The following DDC variants were observed in gnomAD, a reference collection of about 807,000 sequenced individuals.
DDC encodes aromatic-L-amino-acid decarboxylase.
A neutral mutation model predicts 60.0 loss-of-function variants in DDC; 43 were observed. That is an observed-to-expected ratio of 0.72 (90% CI 0.56 to 0.92). The LOEUF (loss-of-function observed/expected upper bound fraction) is 0.92, where lower values mean the gene tolerates loss of function less well. Ranked by LOEUF, DDC falls within the 40% of genes least tolerant of loss-of-function variation. The pLI is 0.00. For synonymous variants in DDC, 232 were observed against 234.6 expected (o/e 0.99, Z 0.10); for missense variants, 573 against 620.2 (o/e 0.92, Z 0.81).
Position 50,544,187 on chromosome 7 carries a change from G to A in DDC, c.-28-74C>T, listed in dbSNP as rs566769442. The A allele has an allele frequency of 2.3e-4, 264 of 1,157,648 alleles. 2 individuals carry two copies. Among genetic ancestry groups the A allele is most frequent in the South Asian group, 3.3e-4 (27 of 80,752 alleles). 71.7% of individuals were successfully genotyped at this position (1,157,648 alleles called of 1,614,324 possible). On this transcript the variant is annotated intron_variant, in intron 1 of 14. Transcript: ENST00000444124. The stretch of plus-strand genomic sequence containing the variant: ...GGAAGGCGGGGATACCAAGCAAGCC[G>A]TGGGTAGGGACACCTGGGCAGTGAC...
chr7:50,502,273 A>G (rs2043277753), intron 7 of DDC, among the ~76,000 whole-genome samples: 1 of 152,176 alleles, frequency 6.6e-6, no homozygotes, highest in African/African-American at 2.4e-5. Context: ...CCCAGATAGC[A>G]GGAAGGCCTG....
At chr7:50,459,560 C>T (rs1405293836) in intron 14 of DDC, 2 of 177,828 alleles carry the variant, frequency 1.1e-5, no homozygotes, top group Non-Finnish European at 2.4e-5. Context: ...AGGAGCGTCT[C>T]TGCCCGGCCG....
At chr7:50,555,880 T>A (rs1295175549) in intron 1 of DDC, among the ~76,000 whole-genome samples, 1 of 152,194 alleles carries the variant, frequency 6.6e-6, no homozygotes, top group Non-Finnish European at 1.5e-5. Context: ...CCTGAGAGAA[T>A]GTCCTGGACT....
chr7:50,547,426 A>T (rs905283314), intron 1 of DDC, among the ~76,000 whole-genome samples: 2 of 152,112 alleles, frequency 1.3e-5, no homozygotes, highest in African/African-American at 4.8e-5. Flanking sequence ...CATGTTGGTC[A>T]GGCTGGTCTT....
chr7:50,520,089 T>C (rs1157888840), intron 6 of DDC, among the ~76,000 whole-genome samples: 1 of 152,222 alleles, frequency 6.6e-6, no homozygotes, highest in Admixed American at 6.5e-5. Context: ...GGAGACTTTG[T>C]CACCCCTTTG....
intron 1 of DDC, among the ~76,000 whole-genome samples, chr7:50,556,921 G>A (rs77557179): frequency 0.023 from 3,533 of 152,238 alleles, 156 homozygotes; most frequent in African/African-American, 0.08. Context: ...ATAGCTCTGC[G>A]GCAAGAGGCA....
At position 50,479,883 on chromosome 7, in the gene DDC, G is replaced by C. The variant is rs538476047; in HGVS notation, c.945-20C>G. On this transcript the variant is annotated intron_variant, in intron 9 of 14. Transcript: ENST00000444124. ...TTCACCCTGGTTTTAGAGAACAAATGAAAGGGCTGATAACCAAGTACCCTA... is the reference window on the plus strand; with the variant it reads ...TTCACCCTGGTTTTAGAGAACAAATCAAAGGGCTGATAACCAAGTACCCTA... The C allele has an allele frequency of 3.1e-6, 5 of 1,606,780 alleles. No individual in the cohort carries two copies. In the African/African-American group the frequency reaches 5.3e-5, roughly 17 times the overall value.
chr7:50,562,929 G>A (rs1024259886), intron 1 of DDC, among the ~76,000 whole-genome samples: 12 of 152,178 alleles, frequency 7.9e-5, no homozygotes, highest in Non-Finnish European at 1.3e-4. Flanking sequence ...GCCTTTGGGA[G>A]GCCAAGGTGG....
chr7:50,480,596 C>T (rs1008673065), intron 9 of DDC, among the ~76,000 whole-genome samples: 1 of 152,068 alleles, frequency 6.6e-6, no homozygotes, highest in African/African-American at 2.4e-5. Flanking sequence ...AGCCCTTAAC[C>T]CTGTGGAGTC....
chr7:50,539,418 G>A (rs1247913582), intron 3 of DDC, among the ~76,000 whole-genome samples: 1 of 152,150 alleles, frequency 6.6e-6, no homozygotes, highest in Non-Finnish European at 1.5e-5. Context: ...TGGGACTGGT[G>A]GTTTGCAGGC....
intron 6 of DDC, among the ~76,000 whole-genome samples, chr7:50,524,392 G>T (rs2043982838): frequency 6.6e-6 from 1 of 152,128 alleles, no homozygotes; most frequent in South Asian, 2.1e-4. Context: ...AATGAAGGTT[G>T]GGATATAAGA....
intron 1 of DDC, among the ~76,000 whole-genome samples, chr7:50,563,099 G>A (rs2045375516): frequency 6.6e-6 from 1 of 151,126 alleles, no homozygotes; most frequent in South Asian, 2.1e-4. Context: ...CTTGAGAGGT[G>A]GAAGTTGCAG....
chr7:50,502,261 G>A (rs1185197896), intron 7 of DDC, among the ~76,000 whole-genome samples: 1 of 152,116 alleles, frequency 6.6e-6, no homozygotes, highest in Non-Finnish European at 1.5e-5. Flanking sequence ...AGAAGAGGGG[G>A]CCCCAGATAG....
chr7:50,517,845 A>C (rs985321340), intron 6 of DDC, among the ~76,000 whole-genome samples: 1 of 151,546 alleles, frequency 6.6e-6, no homozygotes, highest in Admixed American at 6.6e-5. Context: ...AAAAAAAAAA[A>C]ACCTTAGGAA....
chr7:50,472,909 G>T (rs1000230618), intron 11 of DDC, among the ~76,000 whole-genome samples: 1 of 152,132 alleles, frequency 6.6e-6, no homozygotes, highest in African/African-American at 2.4e-5. Flanking sequence ...CAGACTGATG[G>T]ATCTTCTCCC....
chr7:50,514,394 A>G (rs2043670508), intron 6 of DDC, among the ~76,000 whole-genome samples: 1 of 152,072 alleles, frequency 6.6e-6, no homozygotes, highest in African/African-American at 2.4e-5. Context: ...CAGGAAACCA[A>G]CCCCGGTAAT....
At chr7:50,537,455 GGTACTAAAATGCACA>G (rs1374141436) in intron 4 of DDC, among the ~76,000 whole-genome samples, 4 of 152,186 alleles carry the variant, frequency 2.6e-5, no homozygotes, top group Admixed American at 2.6e-4. Flanking sequence ...TGTAAAAAGG[GGTACTAAAATGCACA>G]GTGTTGTTGT....
intron 4 of DDC, among the ~76,000 whole-genome samples, 187 bp downstream of exon 4, chr7:50,537,673 C>T (rs1028789754): frequency 6.6e-6 from 1 of 152,194 alleles, no homozygotes; most frequent in African/African-American, 2.4e-5. Flanking sequence ...AAAGACAGCA[C>T]TGGGATCCTA....
chr7:50,554,692 T>C (rs999594978), intron 1 of DDC, among the ~76,000 whole-genome samples: 1 of 152,202 alleles, frequency 6.6e-6, no homozygotes, highest in Non-Finnish European at 1.5e-5. Context: ...AGGCCTACTT[T>C]CCATACAACT....
Sources: gnomAD v4.1 joint callset for allele counts (sites outside exome capture counted in the v4.1 genomes callset) on GRCh38, gnomAD v4.1.1 for gene constraint, MANE v1.5 for transcripts, NCBI Gene and HGNC (gene_info 2026-07-23, HGNC 2026-07-21) for gene names.